Variants in ROBO2 observed in about 807,000 individuals in gnomAD.
ROBO2 encodes roundabout guidance receptor 2.
ROBO2 carries 53 observed loss-of-function variants against 160.8 expected under a neutral mutation model. The observed-to-expected ratio is 0.33, with a 90% confidence interval of 0.26 to 0.41. The LOEUF is 0.41. ROBO2 is among the 10% of genes least tolerant of loss of function. ROBO2 has a pLI of 1.00. For synonymous variants in ROBO2, 664 were observed against 611.7 expected, an observed-to-expected ratio of 1.09 and a Z score of -1.26; for missense variants, 1,577 against 1,722.4, an observed-to-expected ratio of 0.92 and a Z score of 1.49.
At chr3:76,727,601 C>T (rs528236275) in intron 2 of ROBO2, among the ~76,000 whole-genome samples, 28 of 152,160 alleles carry the variant, frequency 1.8e-4, no homozygotes, top group African/African-American at 6.3e-4. Context: ...TCCAACAAGG[C>T]GCATGGAACT....
intron 2 of ROBO2, among the ~76,000 whole-genome samples, chr3:76,987,179 G>T (rs1266433119): frequency 1.3e-5 from 2 of 152,174 alleles, no homozygotes; most frequent in African/African-American, 4.8e-5. Flanking sequence ...ACTAATAAAT[G>T]AGGCAAATTG....
Position 76,979,272 on chromosome 3 carries a change from T to C in ROBO2, c.110-118742T>C, listed in dbSNP as rs969208694. Among the ~76,000 whole-genome samples the C allele has an allele frequency of 9.9e-5, 15 of 152,170 alleles. No individual in the cohort carries two copies. The Middle Eastern group carries it at 0.01, about 104-fold the overall frequency. On this transcript the variant is annotated intron_variant, in intron 2 of 26. Coordinates refer to the ROBO2 transcript ENST00000487694. ...GTGTAGTTTTTTTTACTTAGATATA[T>C]TGTATATTGGTGAAGTCTGGGCTTT...
At chr3:77,457,474 A>G (rs2081784878) in intron 2 of ROBO2, among the ~76,000 whole-genome samples, 1 of 150,110 alleles carries the variant, frequency 6.7e-6, no homozygotes, top group African/African-American at 2.5e-5. Context: ...TCTATTAAGG[A>G]GTTACTTTTT....
At chr3:77,159,778 A>G (rs534266412) in intron 2 of ROBO2, among the ~76,000 whole-genome samples, 1 of 152,242 alleles carries the variant, frequency 6.6e-6, no homozygotes, top group South Asian at 2.1e-4. Context: ...TTAAATAAAA[A>G]TCCTGTTTTA....
intron 2 of ROBO2, among the ~76,000 whole-genome samples, chr3:77,135,482 T>C (rs1483696738): frequency 6.6e-6 from 1 of 152,092 alleles, no homozygotes; most frequent in African/African-American, 2.4e-5. Context: ...CTCCCTGCAG[T>C]CTTGACCTCC....
chr3:76,260,443 A>G (rs1260366000), intron 2 of ROBO2, among the ~76,000 whole-genome samples: 2 of 152,162 alleles, frequency 1.3e-5, no homozygotes, highest in African/African-American at 4.8e-5. Context: ...TTTGAGGAAG[A>G]CTAAAAATAC....
intron 2 of ROBO2, among the ~76,000 whole-genome samples, chr3:76,277,824 A>C (rs149438088): frequency 6.6e-6 from 1 of 151,808 alleles, no homozygotes; most frequent in South Asian, 2.1e-4. Context: ...GTTAATACCA[A>C]CTTTATTGGG....
At chr3:76,556,581 T>G (rs139449621) in intron 2 of ROBO2, among the ~76,000 whole-genome samples, 1 of 152,142 alleles carries the variant, frequency 6.6e-6, no homozygotes, top group Non-Finnish European at 1.5e-5. Flanking sequence ...AGTTTAATTA[T>G]GTAAGTAAAC....
chr3:77,055,142 T>C (rs2065613719), intron 1 of ROBO2, among the ~76,000 whole-genome samples: 1 of 152,174 alleles, frequency 6.6e-6, no homozygotes, highest in Non-Finnish European at 1.5e-5. Flanking sequence ...TATTCACTAC[T>C]TTTACAGTTA....
chr3:75,987,098 A>G (rs2107486086), intron 2 of ROBO2, among the ~76,000 whole-genome samples: 1 of 151,980 alleles, frequency 6.6e-6, no homozygotes, highest in South Asian at 2.1e-4. Flanking sequence ...ATTTCTTTCT[A>G]TAAAAATTGT....
At chr3:76,197,767 A>T (rs1213625252) in intron 2 of ROBO2, among the ~76,000 whole-genome samples, 1 of 152,190 alleles carries the variant, frequency 6.6e-6, no homozygotes, top group Non-Finnish European at 1.5e-5. Flanking sequence ...GAATGGCCGA[A>T]ATAGAATTTG....
In ROBO2 at chr3:76,786,583, C is replaced by T. The variant is rs984157081; in HGVS notation, c.110-311431C>T. Among the ~76,000 whole-genome samples the T allele has an allele frequency of 6.6e-5, 10 of 151,382 alleles. No homozygotes were observed. The South Asian group carries it at 1.5e-3, about 22-fold the overall frequency. On this transcript the variant is annotated intron_variant, in intron 2 of 26. Coordinates refer to the ROBO2 transcript ENST00000487694. The stretch of plus-strand genomic sequence containing the variant: ...GTGCTAAACAACTGGAAACCACTCC[C>T]ATGATTCAATTACCTCCCACCACGC...
chr3:77,324,441 C>T (rs952738672), intron 2 of ROBO2, among the ~76,000 whole-genome samples: 1 of 152,108 alleles, frequency 6.6e-6, no homozygotes, highest in African/African-American at 2.4e-5. Context: ...AAAGTAGACC[C>T]GTTGTCCAGT....
rs138195239 is a variant in ROBO2, at chr3:77,177,432, C to T, written c.388+79092C>T. Among the ~76,000 whole-genome samples the T allele has an allele frequency of 2.5e-3, 385 of 151,986 alleles. 1 individual carries two copies. The highest frequency in any genetic ancestry group is 8.5e-3 in the African/African-American group (354 of 41,500). ...ACATCCATGGAGGCTCAAGTCTCTT[C>T]TTTAAAAAAAGACTTTAAAAGTACT... On this transcript the variant is annotated intron_variant, in intron 2 of 25. Coordinates refer to ENST00000461745, the Ensembl canonical transcript of ROBO2.
intron 2 of ROBO2, among the ~76,000 whole-genome samples, chr3:77,316,344 A>T (rs147054764): frequency 8.5e-5 from 13 of 152,294 alleles, no homozygotes; most frequent in African/African-American, 2.6e-4. Context: ...CATTCAGATG[A>T]GTTTGTAACA....
intron 2 of ROBO2, among the ~76,000 whole-genome samples, chr3:76,834,083 T>TTTCTTTC (rs2067390463): frequency 6.9e-6 from 1 of 144,356 alleles, no homozygotes; most frequent in African/African-American, 2.6e-5. Context: ...TCTTTCTTTC[T>TTTCTTTC]TTCTTTCTTT....
In ROBO2 at chr3:76,320,888, G is replaced by A. The variant is rs143335078; in HGVS notation, c.109+383286G>A. Among the ~76,000 whole-genome samples, 308 of 152,192 alleles carry A rather than the reference G, an allele frequency of 2.0e-3. 3 individuals are homozygous for A. The highest frequency in any genetic ancestry group is 7.2e-3 in the African/African-American group (299 of 41,536). On this transcript the variant is annotated intron_variant, in intron 2 of 26. Coordinates refer to the ROBO2 transcript ENST00000487694. ...GGAGGCTCCTAAAGATGTTATGAAGGTAATTTGTACACTTCATATGGAACA... is the reference window on the plus strand; with the variant it reads ...GGAGGCTCCTAAAGATGTTATGAAGATAATTTGTACACTTCATATGGAACA...
chr3:76,991,880 A>G (rs1345753340), intron 2 of ROBO2, among the ~76,000 whole-genome samples: 2 of 152,186 alleles, frequency 1.3e-5, no homozygotes, highest in Non-Finnish European at 2.9e-5. Context: ...CCCAGCTTGG[A>G]GGACATATAT....
chr3:77,522,080 C>T (rs775777), intron 5 of ROBO2, among the ~76,000 whole-genome samples: 31,225 of 151,004 alleles, frequency 0.21, 3,954 homozygotes, highest in Non-Finnish European at 0.29. Flanking sequence ...TAAATAAGAA[C>T]ATATTCTCAT....
Sources: allele counts gnomAD v4.1 joint callset (sites outside exome capture counted in the v4.1 genomes callset), GRCh38; gene constraint gnomAD v4.1.1; transcripts MANE v1.5; gene names NCBI Gene and HGNC (gene_info 2026-07-23, HGNC 2026-07-21).